The following RPRD1A variants were observed in gnomAD, a reference collection of about 807,000 sequenced individuals.
The protein encoded by RPRD1A is regulation of nuclear pre-mRNA domain-containing protein 1A.
RPRD1A carries 9 observed loss-of-function variants against 37.8 expected under a neutral mutation model. The observed-to-expected ratio is 0.24, with a 90% CI of 0.14 to 0.42. The LOEUF is 0.42. Among genes scored for constraint, RPRD1A ranks in the 10% least tolerant of loss-of-function variants. The pLI, the probability that RPRD1A is intolerant of heterozygous loss-of-function variation, is 1.00. For missense variants in RPRD1A, 255 were observed against 371.0 expected (o/e 0.69, Z 2.57); for synonymous variants, 138 against 139.7 (o/e 0.99, Z 0.08).
In RPRD1A at chr18:36,030,997, C is replaced by T. The variant is rs1234568122; in HGVS notation, c.382G>A (p.Ala128Thr). The T allele has an allele frequency of 1.3e-6, 2 of 1,594,062 alleles. No individual in the cohort carries two copies. The highest frequency in any genetic ancestry group is 1.7e-6 in the Non-Finnish European group (2 of 1,172,588). Residue 128 changes from alanine to threonine, a missense_variant, in exon 3 of 7, where the codon GCT (alanine) becomes ACT (threonine). Coordinates refer to ENST00000399022, the MANE Select transcript of RPRD1A (RefSeq NM_018170.5). ...ATCAGGATTCTACACTTACACAGAG[C>T]TTGTTTAAGTTGTTCTAATACATCA... Reference protein sequence around the residue: ...ENDVLEQLKQALYGDKKPRKR... With the variant: ...ENDVLEQLKQTLYGDKKPRKR...
At position 35,993,263 on chromosome 18, in the gene RPRD1A, C is replaced by A. The variant is rs918462703; in HGVS notation, c.827G>T (p.Arg276Leu). The A allele has an allele frequency of 6.2e-7, 1 of 1,614,032 alleles. No individual in the cohort carries two copies. Among genetic ancestry groups the A allele is most frequent in the Admixed American group, 1.7e-5 (1 of 59,996 alleles). Residue 276 changes from arginine to leucine, a missense_variant, in exon 7 of 7, where the codon CGC becomes CTC. Arg to Leu is a moderately radical substitution (Grantham distance 102). This residue lies in a region of RPRD1A where 211 missense variants were observed against 268.9 expected (regional missense o/e 0.78). Coordinates refer to ENST00000399022, the MANE Select transcript of RPRD1A (RefSeq NM_018170.5). ...KRKLARVSLVRKELRSRIQSL... is the reference protein window; with the variant it reads ...KRKLARVSLVLKELRSRIQSL... The stretch of plus-strand genomic sequence containing the variant: ...CTGGATCCGGGACCTGAGTTCTTTG[C>A]GCACCAGGGAAACTCTGGCTAGCTT...
intron 4 of RPRD1A, chr18:36,028,148 C>T (rs952868936): frequency 2.0e-5 from 3 of 151,392 alleles, no homozygotes; most frequent in African/African-American, 7.3e-5. Context: ...ATTTCTAATA[C>T]TAGATTCAGA....
At chr18:36,035,412 GAACA>G (rs1360460079) in intron 1 of RPRD1A, among the ~76,000 whole-genome samples, 2 of 152,086 alleles carry the variant, frequency 1.3e-5, no homozygotes, top group African/African-American at 2.4e-5. Flanking sequence ...TTTGGCAGCT[GAACA>G]AACAAAGCCA....
chr18:36,036,441 T>C (rs776248781), intron 1 of RPRD1A, among the ~76,000 whole-genome samples: 3 of 152,166 alleles, frequency 2.0e-5, no homozygotes, highest in Non-Finnish European at 2.9e-5. Flanking sequence ...TTTTACAATA[T>C]ACACTAAAAT....
chr18:36,001,290 C>A (rs1184562925), intron 6 of RPRD1A, among the ~76,000 whole-genome samples: 1 of 152,096 alleles, frequency 6.6e-6, no homozygotes, highest in Non-Finnish European at 1.5e-5. Flanking sequence ...AGCTGATAAG[C>A]AGCATTTAAC....
chr18:35,997,546 G>A (rs915622850), intron 6 of RPRD1A, among the ~76,000 whole-genome samples: 1 of 152,040 alleles, frequency 6.6e-6, no homozygotes. Flanking sequence ...TTAGCTACAC[G>A]CTTTTAAAAA....
rs547181780 is a variant in RPRD1A, at chr18:36,035,603, A to G, written c.152-1766T>C. Among the ~76,000 whole-genome samples the G allele has an allele frequency of 9.8e-5, 15 of 152,346 alleles. No homozygotes were observed. In the East Asian group the frequency reaches 2.7e-3, roughly 27 times the overall value. On this transcript the variant is annotated intron_variant, in intron 1 of 6. Transcript: ENST00000399022. The stretch of plus-strand genomic sequence containing the variant: ...TAGCAACTGAAAAGAAGAAAAAGAT[A>G]AAACAATGCAAAACAAAAAGTAGCA...
chr18:36,063,078 T>C (rs1445170787), intron 1 of RPRD1A: 1 of 152,206 alleles, frequency 6.6e-6, no homozygotes, highest in Non-Finnish European at 1.5e-5. Context: ...AACTCTTTCT[T>C]TAAAGGAGAC....
chr18:36,067,359 A>G lies in RPRD1A; in HGVS notation c.46T>C (p.Leu16=). The G allele has an allele frequency of 6.2e-7, 1 of 1,608,352 alleles. No homozygotes were observed. Among genetic ancestry groups the G allele is most frequent in the South Asian group, 1.1e-5 (1 of 89,920 alleles). Residue 16 remains leucine, a synonymous_variant, in exon 1 of 7, where the codon TTG becomes CTG. Coordinates refer to ENST00000399022, the MANE Select transcript of RPRD1A (RefSeq NM_018170.5). ...TGCACGCTCTGCTGCGAGTTGCTCA[A>G]CTCCGACAGCTTCTTCTCCAGCGCC... ...EAALEKKLSE[L]SNSQQSVQTL...
At chr18:36,053,699 G>A (rs1473287088) in intron 1 of RPRD1A, among the ~76,000 whole-genome samples, 2 of 152,000 alleles carry the variant, frequency 1.3e-5, no homozygotes, top group Non-Finnish European at 2.9e-5. Context: ...AAATTACTGG[G>A]TCATATAGTA....
intron 1 of RPRD1A, among the ~76,000 whole-genome samples, chr18:36,037,894 G>T (rs1235016768): frequency 2.0e-5 from 3 of 152,162 alleles, no homozygotes; most frequent in Admixed American, 6.5e-5. Flanking sequence ...GAGGTTAAAA[G>T]AGATGATTTA....
chr18:36,065,526 C>G (rs377130592), intron 1 of RPRD1A, among the ~76,000 whole-genome samples: 10 of 152,238 alleles, frequency 6.6e-5, no homozygotes, highest in African/African-American at 1.4e-4. Flanking sequence ...CACTTGTTTT[C>G]AATTTTGTTA....
chr18:36,063,515 C>A (rs1237915260), intron 1 of RPRD1A, among the ~76,000 whole-genome samples: 1 of 152,194 alleles, frequency 6.6e-6, no homozygotes, highest in Admixed American at 6.5e-5. Flanking sequence ...ACATTTTTGT[C>A]TTTACACACT....
chr18:36,050,708 TG>T, intron 1 of RPRD1A, among the ~76,000 whole-genome samples: 1 of 144,150 alleles, frequency 6.9e-6, no homozygotes, highest in East Asian at 2.1e-4. Context: ...AGCTAATTTT[TG>T]TATTTTTTTT....
chr18:36,037,614 C>T (rs1912286781), intron 1 of RPRD1A, among the ~76,000 whole-genome samples: 1 of 152,200 alleles, frequency 6.6e-6, no homozygotes, highest in Admixed American at 6.5e-5. Flanking sequence ...GTGGAAGCCA[C>T]TTTGGAACTG....
chr18:36,011,279 A>G (rs1171822956), intron 6 of RPRD1A, among the ~76,000 whole-genome samples: 1 of 152,000 alleles, frequency 6.6e-6, no homozygotes, highest in East Asian at 1.9e-4. Context: ...TAAGTGGTGA[A>G]GCAGGACTGA....
chr18:36,047,116 G>A (rs902614173), intron 1 of RPRD1A, among the ~76,000 whole-genome samples: 7 of 152,004 alleles, frequency 4.6e-5, no homozygotes, highest in African/African-American at 1.5e-4. Context: ...AGCTATTCAG[G>A]AGGCTCGCTT....
chr18:36,045,507 A>C (rs1466661083), intron 1 of RPRD1A, among the ~76,000 whole-genome samples: 1 of 152,238 alleles, frequency 6.6e-6, no homozygotes, highest in Non-Finnish European at 1.5e-5. Context: ...GTAAGTTCTC[A>C]GGTGATACTG....
chr18:36,000,794 G>C (rs896580341), intron 6 of RPRD1A, among the ~76,000 whole-genome samples: 3 of 152,150 alleles, frequency 2.0e-5, no homozygotes, highest in Non-Finnish European at 4.4e-5. Context: ...AAAGTCAACA[G>C]ACAGGGGCAA....
Sources: allele counts gnomAD v4.1 joint callset (sites outside exome capture counted in the v4.1 genomes callset), GRCh38; gene constraint gnomAD v4.1.1; regional missense constraint gnomAD v4.1.1; transcripts MANE v1.5; gene names NCBI Gene and HGNC (gene_info 2026-07-23, HGNC 2026-07-21).